The following APAF1 variants were observed in gnomAD, a reference collection of about 807,000 sequenced individuals.
APAF1 encodes the protein apoptotic peptidase activating factor 1, also known as apoptotic protease-activating factor 1.
In APAF1, 91 loss-of-function variants were observed where a neutral mutation model predicts 152.4. The ratio of observed to expected loss-of-function variants is 0.60; its 90% CI spans 0.50 to 0.71. APAF1 has a LOEUF of 0.71. Ranked by LOEUF, APAF1 falls within the 30% of genes least tolerant of loss-of-function variation. The probability of loss-of-function intolerance (pLI) is 0.00; values close to 1 mark genes in which losing one functional copy is unlikely to be tolerated. For missense variants in APAF1, 1,283 were observed against 1,472.0 expected (o/e 0.87, Z 2.10); for synonymous variants, 484 against 494.1 (o/e 0.98, Z 0.27).
chr12:98,725,645 G>GT, intron 25 of APAF1, 105 bp downstream of exon 25: 2 of 1,513,440 alleles, frequency 1.3e-6, no homozygotes, highest in Non-Finnish European at 9.2e-7. Context: ...TAGTCCTGAA[G>GT]TTGTGGTTGG....
chr12:98,720,797 C>T (rs2097741508), intron 22 of APAF1, among the ~76,000 whole-genome samples: 1 of 152,058 alleles, frequency 6.6e-6, no homozygotes, highest in Non-Finnish European at 1.5e-5. Context: ...AACCCCATCT[C>T]TACTAAAAAA....
intron 10 of APAF1, among the ~76,000 whole-genome samples, chr12:98,667,910 A>G (rs1156636909): frequency 6.6e-6 from 1 of 151,490 alleles, no homozygotes; most frequent in Non-Finnish European, 1.5e-5. Flanking sequence ...AGCTGGGACT[A>G]TAGGCACATG....
chr12:98,690,384 C>T (rs908287113), intron 16 of APAF1, among the ~76,000 whole-genome samples: 2 of 152,100 alleles, frequency 1.3e-5, no homozygotes, highest in Non-Finnish European at 2.9e-5. Flanking sequence ...TAGAATGATC[C>T]ATGTCATGGG....
chr12:98,689,040 C>G (rs2097701198), intron 16 of APAF1, among the ~76,000 whole-genome samples: 1 of 151,928 alleles, frequency 6.6e-6, no homozygotes, highest in African/African-American at 2.4e-5. Flanking sequence ...GTCTGAAACT[C>G]CTGGGCTCGA....
intron 17 of APAF1, 39 bp from the exon 18 acceptor site, chr12:98,703,327 TTAAAG>T: frequency 1.9e-6 from 3 of 1,606,910 alleles, no homozygotes; most frequent in Non-Finnish European, 1.7e-6. Context: ...AGCTTATCTC[TTAAAG>T]TATTTTACCT....
chr12:98,690,260 A>C (rs185363907), intron 16 of APAF1, among the ~76,000 whole-genome samples: 2 of 152,306 alleles, frequency 1.3e-5, no homozygotes, highest in East Asian at 3.9e-4. Flanking sequence ...TTCTGGGTAG[A>C]ATTCTACTTT....
chr12:98,703,450 C>A lies in APAF1; in HGVS notation c.2546C>A (p.Ser849Tyr), dbSNP rs757781136. ...HHSTIQYCDFSPQNHLAVVAL... is the reference protein window; with the variant it reads ...HHSTIQYCDFYPQNHLAVVAL... ...AGCACCATCCAGTACTGTGACTTCT[C>A]CCCACAAAACCATTTGGCAGTGGTT... is the stretch of plus-strand genomic sequence containing the variant. Residue 849 changes from serine to tyrosine, a missense_variant, in exon 18 of 27, where the codon TCC becomes TAC. Ser to Tyr is a moderately radical substitution (Grantham distance 144). Transcript: ENST00000551964. The A allele has an allele frequency of 1.2e-6, 2 of 1,614,158 alleles. No homozygotes were observed. The highest frequency in any genetic ancestry group is 1.7e-5 in the Admixed American group (1 of 60,030).
At chr12:98,649,231 A>G (rs2097645979) in intron 3 of APAF1, 1 of 984,100 alleles carries the variant, frequency 1.0e-6, no homozygotes, top group Non-Finnish European at 1.2e-6. Flanking sequence ...AAAAGTCAGG[A>G]AATAATTGGG....
intron 4 of APAF1, among the ~76,000 whole-genome samples, chr12:98,654,306 G>A (rs1386477139): frequency 6.6e-6 from 1 of 152,146 alleles, no homozygotes; most frequent in Non-Finnish European, 1.5e-5. Context: ...AGGGAAAAAG[G>A]CCTTTGACCC....
intron 14 of APAF1, 143 bp from the exon 15 acceptor site, chr12:98,683,000 G>T (rs899538411): frequency 5.7e-6 from 4 of 701,614 alleles, no homozygotes; most frequent in African/African-American, 5.4e-5. Context: ...AAGGGGAGAG[G>T]TTTCATTAGC....
At chr12:98,648,104 A>G (rs1357246865) in intron 1 of APAF1, among the ~76,000 whole-genome samples, 1 of 152,212 alleles carries the variant, frequency 6.6e-6, no homozygotes, top group Non-Finnish European at 1.5e-5. Flanking sequence ...ACTGCTTTCC[A>G]GAAAAATTGC....
At chr12:98,725,921 G>T (rs1364394959) in intron 25 of APAF1, among the ~76,000 whole-genome samples, 1 of 152,134 alleles carries the variant, frequency 6.6e-6, no homozygotes, top group African/African-American at 2.4e-5. Context: ...TGCAAATTCT[G>T]CTTTTTCTGT....
At chr12:98,656,081 C>G (rs985647455) in intron 4 of APAF1, among the ~76,000 whole-genome samples, 4 of 152,104 alleles carry the variant, frequency 2.6e-5, no homozygotes, top group African/African-American at 7.2e-5. Flanking sequence ...CCGCGCCCGG[C>G]CTTGCCTGGC....
intron 4 of APAF1, among the ~76,000 whole-genome samples, chr12:98,650,731 A>G (rs1039302170): frequency 4.6e-5 from 7 of 152,008 alleles, no homozygotes; most frequent in Non-Finnish European, 8.8e-5. Flanking sequence ...CCCCTCTATC[A>G]TTACAGAGAA....
intron 26 of APAF1, among the ~76,000 whole-genome samples, chr12:98,731,677 A>G (rs967307649): frequency 5.3e-5 from 8 of 152,244 alleles, no homozygotes; most frequent in Non-Finnish European, 1.5e-5. Flanking sequence ...AATACTCAGG[A>G]TCATGGTGAG....
intron 4 of APAF1, among the ~76,000 whole-genome samples, chr12:98,658,242 G>T (rs2097660311): frequency 6.6e-6 from 1 of 151,948 alleles, no homozygotes. Flanking sequence ...TAAGATTTTG[G>T]CTACTGACAA....
chr12:98,700,350 T>G (rs916126981), intron 17 of APAF1, among the ~76,000 whole-genome samples: 2 of 152,212 alleles, frequency 1.3e-5, no homozygotes, highest in Non-Finnish European at 2.9e-5. Context: ...TTCAAAAGAC[T>G]TGAATGAGGG....
chr12:98,668,170 A>G (rs1469786177), intron 10 of APAF1, among the ~76,000 whole-genome samples: 1 of 152,164 alleles, frequency 6.6e-6, no homozygotes, highest in Non-Finnish European at 1.5e-5. Flanking sequence ...GTTCATAAAC[A>G]TGTATTGTTT....
intron 15 of APAF1, among the ~76,000 whole-genome samples, chr12:98,684,949 G>A (rs945954645): frequency 2.0e-5 from 3 of 152,194 alleles, no homozygotes; most frequent in African/African-American, 7.2e-5. Flanking sequence ...CATTTCTTGT[G>A]ATTCTTGAGC....
Sources: gnomAD v4.1 joint callset for allele counts (sites outside exome capture counted in the v4.1 genomes callset) on GRCh38, gnomAD v4.1.1 for gene constraint, MANE v1.5 for transcripts, NCBI Gene and HGNC (gene_info 2026-07-23, HGNC 2026-07-21) for gene names.